MYRFL: variants seen among roughly 807,000 people sequenced by gnomAD.
MYRFL encodes the protein myelin regulatory factor like, also known as myelin regulatory factor-like protein.
Under a neutral mutation model 109.4 loss-of-function variants are expected in MYRFL, and 88 were observed. The observed-to-expected ratio is 0.80, with a 90% CI of 0.68 to 0.96. The LOEUF (loss-of-function observed/expected upper bound fraction) is 0.96, where lower values mean the gene tolerates loss of function less well. MYRFL is among the 40% of genes least tolerant of loss of function. The pLI is 0.00. For synonymous variants in MYRFL, 324 were observed against 320.9 expected (o/e 1.01, Z -0.10); for missense variants, 957 against 954.9 (o/e 1.00, Z -0.03).
intron 1 of MYRFL, among the ~76,000 whole-genome samples, chr12:69,839,182 A>G (rs191508818): frequency 1.6e-4 from 24 of 152,306 alleles, no homozygotes; most frequent in Admixed American, 9.1e-4. Flanking sequence ...ACGGAAGCCA[A>G]ATTAGTTCAG....
At chr12:69,873,481 T>C (rs1214333119) in intron 2 of MYRFL, among the ~76,000 whole-genome samples, 2 of 152,312 alleles carry the variant, frequency 1.3e-5, no homozygotes, top group African/African-American at 2.4e-5. Context: ...CATATACAAA[T>C]TGCCAACTTT....
intron 6 of MYRFL, among the ~76,000 whole-genome samples, chr12:69,887,317 T>G (rs1408440499): frequency 6.6e-6 from 1 of 152,204 alleles, no homozygotes; most frequent in African/African-American, 2.4e-5. Flanking sequence ...TAACTTATAA[T>G]GCCATAAAAT....
At chr12:69,841,581 C>T (rs1387506273) in intron 1 of MYRFL, among the ~76,000 whole-genome samples, 3 of 152,172 alleles carry the variant, frequency 2.0e-5, no homozygotes, top group Admixed American at 6.5e-5. Context: ...CATTGCTGCA[C>T]ATTCTTCCAC....
chr12:69,877,667 T>C (rs1436905738), intron 2 of MYRFL, among the ~76,000 whole-genome samples: 1 of 152,196 alleles, frequency 6.6e-6, no homozygotes, highest in East Asian at 1.9e-4. Flanking sequence ...ATGTGTGTCC[T>C]CTCTTCCCTT....
At chr12:69,930,813 G>A (rs974187167) in intron 15 of MYRFL, among the ~76,000 whole-genome samples, 251 of 128,180 alleles carry the variant, frequency 2.0e-3, no homozygotes, top group African/African-American at 2.3e-3. Flanking sequence ...CCCTATCTAA[G>A]AAAAAAAAAA....
intron 5 of MYRFL, among the ~76,000 whole-genome samples, chr12:69,884,631 T>C (rs1396137568): frequency 6.6e-6 from 1 of 152,184 alleles, no homozygotes; most frequent in Non-Finnish European, 1.5e-5. Context: ...GTCAGGAACA[T>C]GGGCTAGTTA....
intron 2 of MYRFL, among the ~76,000 whole-genome samples, chr12:69,855,734 A>G (rs900229381): frequency 2.0e-5 from 3 of 151,966 alleles, no homozygotes; most frequent in African/African-American, 7.2e-5. Context: ...TAATGTCTGT[A>G]GGATCTATAG....
chr12:69,843,201 C>T (rs1241188864), intron 1 of MYRFL, among the ~76,000 whole-genome samples: 2 of 152,170 alleles, frequency 1.3e-5, no homozygotes, highest in Non-Finnish European at 2.9e-5. Context: ...TTCTTCCTCT[C>T]CTCTTCCTTC....
chr12:69,854,354 A>G (rs1448391228), intron 1 of MYRFL, among the ~76,000 whole-genome samples: 2 of 147,482 alleles, frequency 1.4e-5, no homozygotes, highest in East Asian at 4.1e-4. Flanking sequence ...GGGGAGGGAG[A>G]GGGAGAGGGA....
chr12:69,926,958 T>TTTTTTTTTTTTTTTTTTC (rs1463613530), intron 14 of MYRFL, among the ~76,000 whole-genome samples: 1 of 137,926 alleles, frequency 7.3e-6, no homozygotes, highest in Non-Finnish European at 1.6e-5. Context: ...TTTTTTTTTT[T>TTTTTTTTTTTTTTTTTTC]TTTGAGCCTG....
At chr12:69,874,377 C>T (rs1260973309) in intron 2 of MYRFL, among the ~76,000 whole-genome samples, 1 of 152,128 alleles carries the variant, frequency 6.6e-6, no homozygotes, top group East Asian at 1.9e-4. Flanking sequence ...AGGGTCTTCC[C>T]ATGTTGTCCA....
At chr12:69,895,601 C>A in intron 9 of MYRFL, 120 bp downstream of exon 9, 1 of 666,172 alleles carries the variant, frequency 1.5e-6, no homozygotes, top group Non-Finnish European at 2.6e-6. Flanking sequence ...GCCTCTAAGC[C>A]ACTTTCCTCC....
rs774396023 is a variant in MYRFL, at chr12:69,825,257, G to C, written c.-261G>C. 8.5e-4 allele frequency: 551 copies of C among 645,106 alleles called. 1 individual carries two copies. In the Middle Eastern group the frequency reaches 0.014, roughly 16 times the overall value. The allele number at this position is 645,106 out of a possible 1,614,324, so 40.0% of individuals were successfully genotyped here. ...AGAAACAGTTCCTTATATTAAGACA[G>C]ATGAATTTGCTACCTCTTCCCTCTT... On this transcript the variant is annotated 5_prime_UTR_variant, in exon 1 of 25. Coordinates refer to ENST00000552032, the MANE Select transcript of MYRFL (RefSeq NM_182530.3).
At chr12:69,835,714 C>G (rs1222404832) in intron 1 of MYRFL, among the ~76,000 whole-genome samples, 2 of 152,108 alleles carry the variant, frequency 1.3e-5, no homozygotes, top group Non-Finnish European at 2.9e-5. Flanking sequence ...ATGAAAGTTC[C>G]TGACATGGAA....
chr12:69,911,518 C>G (rs1335420720), intron 13 of MYRFL, among the ~76,000 whole-genome samples: 2 of 152,134 alleles, frequency 1.3e-5, no homozygotes, highest in Non-Finnish European at 2.9e-5. Context: ...AAGGGCCTCT[C>G]TTAATTCTTT....
intron 10 of MYRFL, among the ~76,000 whole-genome samples, chr12:69,903,323 G>A (rs544370449): frequency 8.9e-4 from 135 of 152,156 alleles, no homozygotes; most frequent in Non-Finnish European, 1.6e-3. Flanking sequence ...TGGAAAGATA[G>A]CCATTTTTAG....
chr12:69,833,596 T>A (rs1303623010), intron 1 of MYRFL, among the ~76,000 whole-genome samples: 3 of 152,212 alleles, frequency 2.0e-5, no homozygotes, highest in Non-Finnish European at 4.4e-5. Flanking sequence ...TGAATGATAA[T>A]GTTGTCAGTA....
chr12:69,842,394 T>C (rs923734999), intron 1 of MYRFL, among the ~76,000 whole-genome samples: 8 of 152,236 alleles, frequency 5.3e-5, no homozygotes, highest in Non-Finnish European at 4.4e-5. Context: ...CATTCACAGC[T>C]TTATTTACTC....
chr12:69,934,807 G>A (rs1172227576), intron 16 of MYRFL, among the ~76,000 whole-genome samples: 1 of 152,118 alleles, frequency 6.6e-6, no homozygotes, highest in Non-Finnish European at 1.5e-5. Context: ...CACAGGATAG[G>A]GGCACGGCAG....
Sources: gnomAD v4.1 joint callset for allele counts (sites outside exome capture counted in the v4.1 genomes callset) on GRCh38, gnomAD v4.1.1 for gene constraint, MANE v1.5 for transcripts, NCBI Gene and HGNC (gene_info 2026-07-23, HGNC 2026-07-21) for gene names.